RYR3: variants seen among roughly 807,000 people sequenced by gnomAD.
The protein encoded by RYR3 is ryanodine receptor 3, also known as brain ryanodine receptor-calcium release channel.
RYR3 carries 207 observed loss-of-function variants against 584.3 expected under a neutral mutation model. That is an observed-to-expected ratio of 0.35 (90% CI 0.32 to 0.40). The LOEUF (loss-of-function observed/expected upper bound fraction) is 0.40, where lower values mean the gene tolerates loss of function less well. RYR3 is among the 10% of genes least tolerant of loss of function. The pLI is 1.00. For synonymous variants in RYR3, 2,416 were observed against 2,248.5 expected, an observed-to-expected ratio of 1.07 and a Z score of -2.11; for missense variants, 5,616 against 6,089.2, an observed-to-expected ratio of 0.92 and a Z score of 2.59.
At chr15:33,815,060 ACT>A (rs987268045) in intron 74 of RYR3, among the ~76,000 whole-genome samples, 13 of 137,236 alleles carry the variant, frequency 9.5e-5, no homozygotes, top group Non-Finnish European at 1.5e-4. Flanking sequence ...ACAGAACGAG[ACT>A]CTGTCTCAAA....
intron 34 of RYR3, among the ~76,000 whole-genome samples, chr15:33,661,681 C>A (rs1447322318): frequency 6.6e-6 from 1 of 152,122 alleles, no homozygotes; most frequent in Non-Finnish European, 1.5e-5. Flanking sequence ...AGGGTTTACA[C>A]TCCTATGAAA....
chr15:33,796,225 C>T (rs2075611934), intron 67 of RYR3, among the ~76,000 whole-genome samples: 1 of 152,180 alleles, frequency 6.6e-6, no homozygotes, highest in African/African-American at 2.4e-5. Flanking sequence ...ACCTACACCT[C>T]CTGGGTTCAA....
intron 1 of RYR3, among the ~76,000 whole-genome samples, chr15:33,383,825 C>A (rs773688613): frequency 4.6e-5 from 7 of 152,150 alleles, no homozygotes; most frequent in Non-Finnish European, 7.4e-5. Flanking sequence ...ATGTTCACTG[C>A]AGCACTATTC....
rs1471945922 is a variant in RYR3, at chr15:33,748,543, G to C, written c.8199+13G>C. 2 of 1,608,800 alleles carry C rather than the reference G, an allele frequency of 1.2e-6. No homozygotes were observed. Among genetic ancestry groups the C allele is most frequent in the African/African-American group, 2.7e-5 (2 of 74,770 alleles). The stretch of plus-strand genomic sequence containing the variant: ...CAGAGAGCTCCAGGTCAGTGCCCCA[G>C]GTCCAGCATGACTTGCTTTCAAGTG... On this transcript the variant is annotated intron_variant, in intron 55 of 103. Coordinates refer to ENST00000634891, the MANE Select transcript of RYR3 (RefSeq NM_001036.6).
chr15:33,465,615 G>A, intron 1 of RYR3: 1 of 465,804 alleles, frequency 2.1e-6, no homozygotes, highest in Non-Finnish European at 4.3e-6. Context: ...AGTGATTGGA[G>A]GCTTTCAAGT....
intron 1 of RYR3, among the ~76,000 whole-genome samples, chr15:33,395,498 C>T (rs192106287): frequency 6.6e-6 from 1 of 152,258 alleles, no homozygotes; most frequent in Non-Finnish European, 1.5e-5. Flanking sequence ...AATGTCAGCC[C>T]GGGCTCTAGG....
intron 5 of RYR3, among the ~76,000 whole-genome samples, chr15:33,537,494 G>A (rs919358091): frequency 1.3e-5 from 2 of 151,894 alleles, no homozygotes; most frequent in Non-Finnish European, 2.9e-5. Flanking sequence ...CCTAATTACA[G>A]CTTCACAAGT....
At chr15:33,638,498 A>C (rs867864986) in intron 27 of RYR3, among the ~76,000 whole-genome samples, 1 of 152,302 alleles carries the variant, frequency 6.6e-6, no homozygotes, top group Non-Finnish European at 1.5e-5. Context: ...TGAGAATCTC[A>C]TATGTTGTGC....
intron 92 of RYR3, among the ~76,000 whole-genome samples, chr15:33,843,891 A>C (rs544776034): frequency 9.8e-5 from 15 of 152,356 alleles, no homozygotes; most frequent in African/African-American, 3.4e-4. Flanking sequence ...AATGAGTAAT[A>C]AATAAAATTC....
rs114804330 is a variant in RYR3 at position 33,781,726 on chromosome 15, G to T, written c.9268+1385G>T. Among the ~76,000 whole-genome samples, 1,444 of 152,064 alleles carry T rather than the reference G, an allele frequency of 9.5e-3. 25 individuals carry two copies. The highest frequency in any genetic ancestry group is 0.033 in the African/African-American group (1,354 of 41,498). On this transcript the variant is annotated intron_variant, in intron 65 of 103. Coordinates refer to ENST00000634891, the MANE Select transcript of RYR3 (RefSeq NM_001036.6). ...ACAGTGGAGACTAGTGTTCTCAGAG[G>T]TAGTCAAGAGAAACATTGCCAAGAT...
At chr15:33,466,112 G>A (rs2048467478) in intron 1 of RYR3, among the ~76,000 whole-genome samples, 2 of 152,192 alleles carry the variant, frequency 1.3e-5, no homozygotes, top group Non-Finnish European at 2.9e-5. Context: ...GAGGTTTAAT[G>A]TGGTGGCACA....
chr15:33,446,265 A>T (rs75777580), intron 1 of RYR3, among the ~76,000 whole-genome samples: 20,628 of 152,178 alleles, frequency 0.14, 1,647 homozygotes, highest in East Asian at 0.34. Flanking sequence ...GAAATTGAAG[A>T]CTTAGGACAA....
intron 62 of RYR3, among the ~76,000 whole-genome samples, chr15:33,771,488 C>T (rs2073570685): frequency 6.6e-6 from 1 of 150,578 alleles, no homozygotes; most frequent in Non-Finnish European, 1.5e-5. Flanking sequence ...GAGCCGAGAT[C>T]ACACCATTGC....
At chr15:33,623,389 A>C (rs1224367760) in intron 19 of RYR3, among the ~76,000 whole-genome samples, 1 of 152,146 alleles carries the variant, frequency 6.6e-6, no homozygotes, top group East Asian at 1.9e-4. Context: ...TCTTTAACTG[A>C]TGTGTGGATA....
rs140140697 is a variant in RYR3 at position 33,336,324 on chromosome 15, C to G, written c.51+25228C>G. ...GCACATGCTTGTAATCCCAGTTACT[C>G]GGGAGGCTGAGGCAGGAGAATCACT... On this transcript the variant is annotated intron_variant, in intron 1 of 103. Coordinates refer to ENST00000634891, the MANE Select transcript of RYR3 (RefSeq NM_001036.6). Among the ~76,000 whole-genome samples the G allele has an allele frequency of 6.0e-4, 90 of 151,180 alleles. No individual in the cohort carries two copies. In the East Asian group the frequency reaches 0.016, roughly 27 times the overall value.
intron 85 of RYR3, 60 bp from the exon 86 acceptor site, chr15:33,830,903 C>T (rs1366053881): frequency 2.0e-5 from 32 of 1,569,502 alleles, no homozygotes; most frequent in Middle Eastern, 3.4e-4. Flanking sequence ...TCCCAAACAC[C>T]GAGTTTAGCT....
intron 93 of RYR3, among the ~76,000 whole-genome samples, chr15:33,847,787 T>C (rs118138615): frequency 0.033 from 5,001 of 152,312 alleles, 163 homozygotes; most frequent in Non-Finnish European, 0.039. Flanking sequence ...AGACTGAATC[T>C]TCTCATTCTA....
At chr15:33,478,947 T>G (rs188891059) in intron 2 of RYR3, among the ~76,000 whole-genome samples, 1 of 152,366 alleles carries the variant, frequency 6.6e-6, no homozygotes, top group East Asian at 1.9e-4. Flanking sequence ...GTGGCATGTC[T>G]AAAGTCTTGA....
At chr15:33,774,181 G>C (rs1201316814) in intron 64 of RYR3, among the ~76,000 whole-genome samples, 6 of 152,174 alleles carry the variant, frequency 3.9e-5, no homozygotes, top group Admixed American at 2.6e-4. Context: ...TAATCTGCTT[G>C]TCACAGCAGA....
Sources: allele counts gnomAD v4.1 joint callset (sites outside exome capture counted in the v4.1 genomes callset), GRCh38; gene constraint gnomAD v4.1.1; transcripts MANE v1.5; gene names NCBI Gene and HGNC (gene_info 2026-07-23, HGNC 2026-07-21).